DLGAP1: variants seen among roughly 807,000 people sequenced by gnomAD.
The protein encoded by DLGAP1 is disks large-associated protein 1.
A neutral mutation model predicts 90.8 loss-of-function variants in DLGAP1; 11 were observed. The observed-to-expected ratio is 0.12, with a 90% CI of 0.08 to 0.20. The LOEUF is 0.20. Among genes scored for constraint, DLGAP1 ranks in the 10% least tolerant of loss-of-function variants. DLGAP1 has a pLI of 1.00. For missense variants in DLGAP1, 1,050 were observed against 1,333.8 expected (o/e 0.79, Z 3.31); for synonymous variants, 558 against 540.7 (o/e 1.03, Z -0.44).
intron 1 of DLGAP1, among the ~76,000 whole-genome samples, chr18:4,265,485 CCTTT>C (rs1000334471): frequency 6.7e-6 from 1 of 149,978 alleles, no homozygotes; most frequent in Non-Finnish European, 1.5e-5. Context: ...TTCCTTCCTT[CCTTT>C]CCTTTCCTTT....
At chr18:3,927,337 G>A (rs1256844021) in intron 3 of DLGAP1, among the ~76,000 whole-genome samples, 55 of 152,218 alleles carry the variant, frequency 3.6e-4, no homozygotes, top group Admixed American at 3.3e-3. Context: ...CTGAAAGATC[G>A]AGAGAAAGAC....
In DLGAP1 at chr18:3,648,036, T is replaced by C. The variant is rs34758457; in HGVS notation, c.1592-65788A>G. ...AGGCTAAAAAGGAAATTAAATTTGCTTCTCTATCTCTTAACAGGTGCATGT... is the reference window on the plus strand; with the variant it reads ...AGGCTAAAAAGGAAATTAAATTTGCCTCTCTATCTCTTAACAGGTGCATGT... On this transcript the variant is annotated intron_variant, in intron 7 of 12. Transcript: ENST00000315677. Among the ~76,000 whole-genome samples, 280 of 152,344 alleles carry C rather than the reference T, an allele frequency of 1.8e-3. 1 individual carries two copies. Among genetic ancestry groups the C allele is most frequent in the Admixed American group, 2.8e-3 (43 of 15,292 alleles).
At chr18:3,674,481 G>A (rs1598301091) in intron 7 of DLGAP1, among the ~76,000 whole-genome samples, 1 of 151,286 alleles carries the variant, frequency 6.6e-6, no homozygotes, top group South Asian at 2.1e-4. Context: ...TCAGCTGGGC[G>A]CACTGGTGCA....
intron 9 of DLGAP1, 99 bp downstream of exon 9, chr18:3,567,386 TAGAGG>T (rs2054496224): frequency 5.0e-6 from 5 of 992,014 alleles, no homozygotes; most frequent in Non-Finnish European, 6.2e-6. Flanking sequence ...TCCCAAAACT[TAGAGG>T]AAAATATCAT....
At position 3,531,966 on chromosome 18, in the gene DLGAP1, T is replaced by C. The variant is rs561756169; in HGVS notation, c.2479+2228A>G. ...TGCCTCTGGGTTTAAGCAATTCTCCTGCCTCAGCCTCCTAAGTAGCTGGGA... is the reference window on the plus strand; with the variant it reads ...TGCCTCTGGGTTTAAGCAATTCTCCCGCCTCAGCCTCCTAAGTAGCTGGGA... On this transcript the variant is annotated intron_variant, in intron 10 of 12. Coordinates refer to ENST00000315677, the MANE Select transcript of DLGAP1 (RefSeq NM_004746.4). 8.5e-5 allele frequency among the ~76,000 whole-genome samples: 13 copies of C among 152,272 alleles called. No homozygotes were observed. In the East Asian group the frequency reaches 2.5e-3, roughly 30 times the overall value.
intron 2 of DLGAP1, among the ~76,000 whole-genome samples, chr18:4,042,990 T>G (rs112537663): frequency 2.0e-5 from 3 of 152,230 alleles, no homozygotes; most frequent in Non-Finnish European, 4.4e-5. Context: ...TTGAATTTAC[T>G]TGAAACAAAA....
intron 7 of DLGAP1, among the ~76,000 whole-genome samples, chr18:3,663,106 T>C (rs1297927091): frequency 6.6e-6 from 1 of 152,102 alleles, no homozygotes. Flanking sequence ...ACCCCGTCTC[T>C]ACTAAAAATA....
At chr18:4,083,103 T>C (rs1568386060) in intron 2 of DLGAP1, among the ~76,000 whole-genome samples, 1 of 152,142 alleles carries the variant, frequency 6.6e-6, no homozygotes, top group South Asian at 2.1e-4. Context: ...GAGATAAATA[T>C]ACATGTGATT....
intron 1 of DLGAP1, among the ~76,000 whole-genome samples, chr18:4,287,005 G>C (rs1204475008): frequency 6.6e-6 from 1 of 151,994 alleles, no homozygotes; most frequent in East Asian, 1.9e-4. Flanking sequence ...TAAAAGAGCG[G>C]GTACCTCTGC....
In DLGAP1 at chr18:3,723,515, T is replaced by C. The variant is rs73940218; in HGVS notation, c.1591+5620A>G. On this transcript the variant is annotated intron_variant, in intron 7 of 12. Coordinates refer to ENST00000315677, the MANE Select transcript of DLGAP1 (RefSeq NM_004746.4). ...GAATGCCTGCTGTGTGTATTGCAATTACAAATTATTATCTTAATGTCATTC... is the reference window on the plus strand; with the variant it reads ...GAATGCCTGCTGTGTGTATTGCAATCACAAATTATTATCTTAATGTCATTC... 6.2e-3 allele frequency among the ~76,000 whole-genome samples: 939 copies of C among 152,276 alleles called. 11 individuals carry two copies. Among genetic ancestry groups the C allele is most frequent in the African/African-American group, 0.022 (896 of 41,556 alleles).
intron 2 of DLGAP1, among the ~76,000 whole-genome samples, chr18:4,114,990 T>A (rs955492440): frequency 6.6e-6 from 1 of 152,190 alleles, no homozygotes; most frequent in African/African-American, 2.4e-5. Context: ...TTATTTGTTT[T>A]GTCATTGTTT....
At chr18:4,305,404 C>T (rs189456857) in intron 1 of DLGAP1, among the ~76,000 whole-genome samples, 8 of 151,756 alleles carry the variant, frequency 5.3e-5, no homozygotes, top group East Asian at 1.9e-4. Flanking sequence ...TGTGGTGGCA[C>T]GCGCCTGTAG....
At chr18:3,974,161 G>A (rs1311804591) in intron 3 of DLGAP1, among the ~76,000 whole-genome samples, 2 of 151,404 alleles carry the variant, frequency 1.3e-5, no homozygotes, top group Non-Finnish European at 2.9e-5. Context: ...TGCAACCTCC[G>A]CCTCCTGGGT....
intron 9 of DLGAP1, among the ~76,000 whole-genome samples, chr18:3,538,965 A>G (rs556214880): frequency 6.6e-6 from 1 of 152,380 alleles, no homozygotes; most frequent in South Asian, 2.1e-4. Flanking sequence ...TGCAGTTTGC[A>G]GTGTAGTCAC....
At chr18:3,810,633 C>G (rs1598840137) in intron 5 of DLGAP1, among the ~76,000 whole-genome samples, 1 of 152,028 alleles carries the variant, frequency 6.6e-6, no homozygotes, top group South Asian at 2.1e-4. Context: ...GATCTTTTTT[C>G]TCATAAGGGA....
chr18:4,381,542 C>T (rs1180660331), intron 1 of DLGAP1, among the ~76,000 whole-genome samples: 1 of 152,158 alleles, frequency 6.6e-6, no homozygotes, highest in African/African-American at 2.4e-5. Context: ...TTTCTTACCT[C>T]CTTTCTAACA....
At chr18:4,032,317 A>G (rs2074808694) in intron 2 of DLGAP1, among the ~76,000 whole-genome samples, 7 of 152,192 alleles carry the variant, frequency 4.6e-5, no homozygotes, top group Admixed American at 4.6e-4. Flanking sequence ...AAGGGTCTGA[A>G]AATCTCTGTA....
intron 1 of DLGAP1, among the ~76,000 whole-genome samples, chr18:4,171,951 C>T (rs1476221952): frequency 1.3e-5 from 2 of 152,110 alleles, no homozygotes; most frequent in East Asian, 3.9e-4. Flanking sequence ...CACAGAGCCT[C>T]CTGGATCTTT....
At chr18:3,951,083 A>T (rs2072976415) in intron 3 of DLGAP1, among the ~76,000 whole-genome samples, 1 of 152,222 alleles carries the variant, frequency 6.6e-6, no homozygotes, top group South Asian at 2.1e-4. Flanking sequence ...GGGTCAGCAG[A>T]GCCTAGACAA....
Sources: allele counts gnomAD v4.1 joint callset (sites outside exome capture counted in the v4.1 genomes callset), GRCh38; gene constraint gnomAD v4.1.1; transcripts MANE v1.5; gene names NCBI Gene and HGNC (gene_info 2026-07-23, HGNC 2026-07-21).